NECTIN3: variants seen among roughly 807,000 people sequenced by gnomAD.
NECTIN3 encodes the protein nectin cell adhesion molecule 3.
Under a neutral mutation model 49.4 loss-of-function variants are expected in NECTIN3, and 8 were observed. That is an observed-to-expected ratio of 0.16 (90% CI 0.10 to 0.29). The LOEUF is 0.29. Ranked by LOEUF, NECTIN3 falls within the 10% of genes least tolerant of loss-of-function variation. The pLI is 1.00. For synonymous variants in NECTIN3, 277 were observed against 241.1 expected (o/e 1.15, Z -1.38); for missense variants, 581 against 654.6 (o/e 0.89, Z 1.23).
chr3:111,161,558 G>A (rs1057322854), intron 7 of NECTIN3, among the ~76,000 whole-genome samples: 8 of 152,250 alleles, frequency 5.3e-5, no homozygotes, highest in Admixed American at 3.3e-4. Flanking sequence ...CAGCATTACC[G>A]CCTAAGCTCC....
intron 6 of NECTIN3, among the ~76,000 whole-genome samples, chr3:111,146,674 C>G (rs2034884033): frequency 6.6e-6 from 1 of 152,108 alleles, no homozygotes; most frequent in East Asian, 1.9e-4. Flanking sequence ...TCCTTTAATA[C>G]AGATAACTTT....
At chr3:111,143,524 CAAAA>C (rs1347471191) in intron 5 of NECTIN3, among the ~76,000 whole-genome samples, 2 of 151,744 alleles carry the variant, frequency 1.3e-5, no homozygotes, top group East Asian at 1.9e-4. Context: ...CACATTTAAA[CAAAA>C]ACAATTGGAA....
chr3:111,183,202 A>G (rs1420528765), intron 7 of NECTIN3, among the ~76,000 whole-genome samples: 2 of 152,102 alleles, frequency 1.3e-5, no homozygotes, highest in Non-Finnish European at 2.9e-5. Context: ...TTAAAACTAC[A>G]AACTGATAAA....
In NECTIN3 at chr3:111,135,562, T is replaced by C. The variant is rs2034548713; in HGVS notation, c.*1347T>C. On this transcript the variant is annotated 3_prime_UTR_variant, in exon 6 of 6. Coordinates refer to ENST00000485303, the MANE Select transcript of NECTIN3 (RefSeq NM_015480.3). The stretch of plus-strand genomic sequence containing the variant: ...AACTATTTTGAAGCTGAAAGGATAG[T>C]TTTTCTATTGCTAAGTCATTTGAAA... 1.0e-6 allele frequency: 1 copy of C among 979,348 alleles called. No individual in the cohort carries two copies. The highest frequency in any genetic ancestry group is 1.2e-6 in the Non-Finnish European group (1 of 824,492). 60.7% of individuals were successfully genotyped at this position (979,348 alleles called of 1,614,324 possible).
At position 111,122,573 on chromosome 3, in the gene NECTIN3, A is replaced by G. The variant is rs77422408; in HGVS notation, c.917+335A>G. Among the ~76,000 whole-genome samples, 23 of 152,284 alleles carry G rather than the reference A, an allele frequency of 1.5e-4. 1 individual carries two copies. In the East Asian group the frequency reaches 4.0e-3, roughly 27 times the overall value. On this transcript the variant is annotated intron_variant, in intron 4 of 5. Transcript: ENST00000485303. ...TACTCCTTCATTTACAAACACACCC[A>G]TATACACACATTCCTACCTTTCATA...
chr3:111,086,378 A>T (rs1273594105), intron 1 of NECTIN3, among the ~76,000 whole-genome samples: 1 of 151,836 alleles, frequency 6.6e-6, no homozygotes, highest in East Asian at 1.9e-4. Context: ...CCATCATGAA[A>T]TTTTTTCCCG....
rs1425501409 is a variant in NECTIN3, at chr3:111,096,032, G to A, written c.161-15998G>A. On this transcript the variant is annotated intron_variant, in intron 1 of 5. Transcript: ENST00000485303. ...TGGGTAACAGGCAGAGGTTGGAACA[G>A]TTTGGAGGGCTCAGAAGAAGACAGA... Among the ~76,000 whole-genome samples the A allele has an allele frequency of 1.6e-4, 25 of 152,216 alleles. 1 individual carries two copies. Among genetic ancestry groups the A allele is most frequent in the Admixed American group, 1.6e-3 (25 of 15,288 alleles).
chr3:111,165,018 G>T (rs2035289826), intron 7 of NECTIN3, among the ~76,000 whole-genome samples: 1 of 151,920 alleles, frequency 6.6e-6, no homozygotes, highest in Admixed American at 6.6e-5. Flanking sequence ...TAATCAGAAT[G>T]CAGATGTTTT....
chr3:111,181,748 A>G (rs1033885354), intron 7 of NECTIN3, among the ~76,000 whole-genome samples: 1 of 151,844 alleles, frequency 6.6e-6, no homozygotes, highest in Non-Finnish European at 1.5e-5. Context: ...TTTCATTTTG[A>G]TATTGATTTG....
intron 7 of NECTIN3, among the ~76,000 whole-genome samples, chr3:111,170,034 T>A (rs2035404177): frequency 6.6e-6 from 1 of 152,210 alleles, no homozygotes; most frequent in Non-Finnish European, 1.5e-5. Flanking sequence ...TTTGTCTCTA[T>A]CCAAAGTGTG....
intron 1 of NECTIN3, among the ~76,000 whole-genome samples, chr3:111,106,600 C>A (rs1311915136): frequency 6.6e-6 from 1 of 152,110 alleles, no homozygotes; most frequent in Non-Finnish European, 1.5e-5. Context: ...TAAAACAAAT[C>A]AGGTTAATTA....
Position 111,136,399 on chromosome 3 carries a change from G to A in NECTIN3, c.*2184G>A, listed in dbSNP as rs1371643691. The A allele has an allele frequency of 2.0e-6, 2 of 984,428 alleles. No homozygotes were observed. Among genetic ancestry groups the A allele is most frequent in the East Asian group, 2.3e-4 (2 of 8,810 alleles). 61.0% of individuals were successfully genotyped at this position (984,428 alleles called of 1,614,324 possible). ...TTTGTTTGGCGGGAGAGGGTGACCTGGAAAGCCACAAGTGAGTATTTGACA... is the reference window on the plus strand; with the variant it reads ...TTTGTTTGGCGGGAGAGGGTGACCTAGAAAGCCACAAGTGAGTATTTGACA... On this transcript the variant is annotated 3_prime_UTR_variant, in exon 6 of 6. Transcript: ENST00000485303.
chr3:111,140,587 CCA>C (rs2034718006), downstream of NECTIN3, among the ~76,000 whole-genome samples: 3 of 151,750 alleles, frequency 2.0e-5, no homozygotes, highest in South Asian at 2.1e-4. Flanking sequence ...ACTGATATCT[CCA>C]CAGAGTCCAT....
intron 7 of NECTIN3, among the ~76,000 whole-genome samples, chr3:111,162,394 A>C (rs967357583): frequency 1.3e-5 from 2 of 152,056 alleles, no homozygotes; most frequent in African/African-American, 2.4e-5. Flanking sequence ...TTGTGGTAGT[A>C]AGTTCTCATG....
At chr3:111,128,307 G>T (rs889301976) in intron 5 of NECTIN3, among the ~76,000 whole-genome samples, 33 of 148,338 alleles carry the variant, frequency 2.2e-4, no homozygotes, top group Non-Finnish European at 4.0e-4. Context: ...ATGGATGACA[G>T]AGCGAAACTC....
At chr3:111,142,695 G>A (rs1384089265) in intron 5 of NECTIN3, among the ~76,000 whole-genome samples, 1 of 151,722 alleles carries the variant, frequency 6.6e-6, no homozygotes, top group Non-Finnish European at 1.5e-5. Context: ...GGCTTTCTTA[G>A]AGGAAATGTA....
At chr3:111,167,039 A>G (rs2107524094) in intron 7 of NECTIN3, among the ~76,000 whole-genome samples, 1 of 152,306 alleles carries the variant, frequency 6.6e-6, no homozygotes, top group East Asian at 1.9e-4. Context: ...CACTTTGTAA[A>G]ATTGAATGTC....
At chr3:111,147,279 G>C in intron 6 of NECTIN3, 1 of 670,942 alleles carries the variant, frequency 1.5e-6, no homozygotes, top group South Asian at 2.2e-5. Flanking sequence ...AGGTAGGCTA[G>C]AGTAAATATT....
intron 1 of NECTIN3, among the ~76,000 whole-genome samples, chr3:111,102,485 T>C (rs1349230950): frequency 1.3e-5 from 2 of 152,254 alleles, no homozygotes; most frequent in African/African-American, 2.4e-5. Context: ...CCTGGTAAAA[T>C]GTCCAACCCA....
Sources: gnomAD v4.1 joint callset for allele counts (sites outside exome capture counted in the v4.1 genomes callset) on GRCh38, gnomAD v4.1.1 for gene constraint, MANE v1.5 for transcripts, NCBI Gene and HGNC (gene_info 2026-07-23, HGNC 2026-07-21) for gene names.